The following SCRG1 variants were observed in gnomAD, a reference collection of about 807,000 sequenced individuals.
The protein encoded by SCRG1 is scrapie-responsive protein 1.
In SCRG1, 3 loss-of-function variants were observed where a neutral mutation model predicts 7.7. The observed-to-expected ratio is 0.39, with a 90% CI of 0.18 to 1.01. The LOEUF (loss-of-function observed/expected upper bound fraction) is 1.01, where lower values mean the gene tolerates loss of function less well. Ranked by LOEUF, SCRG1 falls within the 50% of genes least tolerant of loss-of-function variation. The pLI, the probability that SCRG1 is intolerant of heterozygous loss-of-function variation, is 0.36. For synonymous variants in SCRG1, 46 were observed against 41.2 expected, an observed-to-expected ratio of 1.12 and a Z score of -0.44; for missense variants, 110 against 117.2, an observed-to-expected ratio of 0.94 and a Z score of 0.28.
chr4:173,476,363 A>AAAATATATATATATATATATATAT, the SCRG1 span, among the ~76,000 whole-genome samples: 9 of 98,504 alleles, frequency 9.1e-5, no homozygotes, highest in South Asian at 3.4e-4. Flanking sequence ...GGAAAAAAAA[A>AAAATATATATATATATATATATAT]ATATATATAT....
chr4:173,447,019 T>G, the SCRG1 span, among the ~76,000 whole-genome samples: 2 of 152,188 alleles, frequency 1.3e-5, no homozygotes, highest in Non-Finnish European at 2.9e-5. Context: ...TTTAGAAAAT[T>G]TTTATCTGCC....
At chr4:173,392,678 G>A (rs1367091820) in intron 1 of SCRG1, among the ~76,000 whole-genome samples, 2 of 152,192 alleles carry the variant, frequency 1.3e-5, no homozygotes, top group African/African-American at 4.8e-5. Context: ...AATAGTGGAG[G>A]AACCAGGATT....
the SCRG1 span, among the ~76,000 whole-genome samples, chr4:173,490,645 C>T: frequency 6.6e-6 from 1 of 152,160 alleles, no homozygotes; most frequent in Admixed American, 6.5e-5. Flanking sequence ...TATTTCAATG[C>T]CTTGATCTGT....
chr4:173,419,301 C>T, the SCRG1 span: 18 of 684,656 alleles, frequency 2.6e-5, no homozygotes, highest in Non-Finnish European at 4.1e-5. Context: ...TCTTGAGCTA[C>T]CCAATCTTTC....
chr4:173,484,376 ATTATGTATATTTTATACATT>A, the SCRG1 span, among the ~76,000 whole-genome samples: 1 of 35,766 alleles, frequency 2.8e-5, no homozygotes, highest in Non-Finnish European at 5.3e-5. Flanking sequence ...TATATTATAT[ATTATGTATATTTTATACATT>A]ATATATTATA....
At chr4:173,388,921 A>G (rs955667689) in intron 2 of SCRG1, among the ~76,000 whole-genome samples, 1 of 152,246 alleles carries the variant, frequency 6.6e-6, no homozygotes, top group South Asian at 2.1e-4. Context: ...GGCTTATTAG[A>G]AATATACTTA....
upstream of SCRG1, among the ~76,000 whole-genome samples, chr4:173,409,401 G>T: frequency 6.6e-6 from 1 of 151,970 alleles, no homozygotes; most frequent in East Asian, 1.9e-4. Flanking sequence ...ATCTCTTTCT[G>T]TCCTTTGATT....
the SCRG1 span, among the ~76,000 whole-genome samples, chr4:173,471,342 C>T: frequency 2.9e-3 from 443 of 152,250 alleles, 2 homozygotes; most frequent in African/African-American, 0.01. Flanking sequence ...GGCCAAGCCG[C>T]CACTGGGCCT....
chr4:173,491,197 AAT>A, the SCRG1 span, among the ~76,000 whole-genome samples: 1 of 145,396 alleles, frequency 6.9e-6, no homozygotes, highest in Non-Finnish European at 1.5e-5. Context: ...ACTAATACAG[AAT>A]TCTCTCTCTC....
chr4:173,392,796 A>G (rs1739488577), intron 1 of SCRG1, among the ~76,000 whole-genome samples: 1 of 152,194 alleles, frequency 6.6e-6, no homozygotes, highest in South Asian at 2.1e-4. Context: ...GAAAGAAAAC[A>G]ATATTGTGGA....
the SCRG1 span, among the ~76,000 whole-genome samples, chr4:173,502,359 C>A: frequency 6.6e-6 from 1 of 152,106 alleles, no homozygotes; most frequent in Non-Finnish European, 1.5e-5. The surrounding 1 kb of genome is among the most constrained non-coding windows in gnomAD (Gnocchi z 4.6). Context: ...ATCTGAATAA[C>A]CCCGAAGGCA....
chr4:173,479,063 G>A, the SCRG1 span, among the ~76,000 whole-genome samples: 5 of 152,254 alleles, frequency 3.3e-5, no homozygotes, highest in Non-Finnish European at 1.5e-5. Flanking sequence ...TACACTGGGT[G>A]CATCTCTGAT....
the SCRG1 span, among the ~76,000 whole-genome samples, chr4:173,511,124 G>A: frequency 6.6e-6 from 1 of 152,040 alleles, no homozygotes; most frequent in South Asian, 2.1e-4. This position sits in a 1 kb window ranked among gnomAD's most constrained non-coding sequence, Gnocchi z 5.2. Context: ...CCGCCACCAC[G>A]CCCGGCTAAT....
At chr4:173,430,340 AATG>A in the SCRG1 span, among the ~76,000 whole-genome samples, 1 of 152,178 alleles carries the variant, frequency 6.6e-6, no homozygotes, top group African/African-American at 2.4e-5. Context: ...TCCACAAAAT[AATG>A]TAAAAAGCAT....
chr4:173,511,963 G>A, the SCRG1 span, among the ~76,000 whole-genome samples: 1 of 152,158 alleles, frequency 6.6e-6, no homozygotes. The surrounding 1 kb of genome is among the most constrained non-coding windows in gnomAD (Gnocchi z 5.2). Context: ...TGCTGTCCAA[G>A]TCTACTCATG....
chr4:173,472,599 G>T, the SCRG1 span, among the ~76,000 whole-genome samples: 65 of 152,296 alleles, frequency 4.3e-4, no homozygotes, highest in African/African-American at 1.6e-3. Context: ...GGCTCAAGAA[G>T]AGCTGATGTT....
At chr4:173,404,329 GTC>G (rs1395368200) in exon 2 of SCRG1, 4 of 152,190 alleles carry the variant, frequency 2.6e-5, no homozygotes, top group Admixed American at 1.3e-4. Flanking sequence ...CCACAGAGTC[GTC>G]TCTCTTTTAC....
the SCRG1 span, among the ~76,000 whole-genome samples, chr4:173,501,787 T>A: frequency 1.3e-5 from 2 of 152,194 alleles, no homozygotes; most frequent in Non-Finnish European, 2.9e-5. The surrounding 1 kb of genome is among the most constrained non-coding windows in gnomAD (Gnocchi z 5.1). Context: ...CCGTTCCTCC[T>A]GAGGTAATCT....
the SCRG1 span, among the ~76,000 whole-genome samples, chr4:173,440,966 G>A: frequency 6.6e-6 from 1 of 151,918 alleles, no homozygotes; most frequent in Non-Finnish European, 1.5e-5. Flanking sequence ...AATCCAGTAT[G>A]ATCTAATCTT....
Sources: gnomAD v4.1 joint callset for allele counts (sites outside exome capture counted in the v4.1 genomes callset) on GRCh38, gnomAD v4.1.1 for gene constraint, Gnocchi (gnomAD v3.1) non-coding constraint, MANE v1.5 for transcripts, NCBI Gene and HGNC (gene_info 2026-07-23, HGNC 2026-07-21) for gene names.